The following RGS7 variants were observed in gnomAD, a reference collection of about 807,000 sequenced individuals.
RGS7 encodes the protein regulator of G-protein signaling 7.
Under a neutral mutation model 81.1 loss-of-function variants are expected in RGS7, and 27 were observed. The observed-to-expected ratio is 0.33, with a 90% CI of 0.25 to 0.46. The LOEUF (loss-of-function observed/expected upper bound fraction) is 0.46. RGS7 is among the 20% of genes least tolerant of loss of function. The pLI is 1.00. For synonymous variants in RGS7, 208 were observed against 207.7 expected (o/e 1.00, Z -0.01); for missense variants, 396 against 607.4 (o/e 0.65, Z 3.66).
intron 2 of RGS7, among the ~76,000 whole-genome samples, chr1:241,277,684 G>T (rs1208888135): frequency 1.3e-5 from 2 of 151,850 alleles, no homozygotes; most frequent in African/African-American, 4.8e-5. Context: ...CATCCCAGGG[G>T]ATATTTTAGC....
intron 3 of RGS7, among the ~76,000 whole-genome samples, chr1:241,010,116 T>C (rs2058884537): frequency 6.6e-6 from 1 of 152,072 alleles, no homozygotes; most frequent in African/African-American, 2.4e-5. Flanking sequence ...AAAACCAACA[T>C]GGCATATGTA....
At chr1:241,260,963 C>T (rs1317180930) in intron 2 of RGS7, among the ~76,000 whole-genome samples, 1 of 151,190 alleles carries the variant, frequency 6.6e-6, no homozygotes, top group African/African-American at 2.4e-5. Flanking sequence ...GGGAGATATA[C>T]CTAATGCTAG....
chr1:240,984,277 A>G (rs530124312), intron 3 of RGS7, among the ~76,000 whole-genome samples: 183 of 152,348 alleles, frequency 1.2e-3, no homozygotes, highest in African/African-American at 4.0e-3. Flanking sequence ...CTGGCAATAT[A>G]TATGAAATGC....
intron 2 of RGS7, among the ~76,000 whole-genome samples, chr1:241,234,385 C>T (rs548301627): frequency 3.0e-4 from 45 of 152,314 alleles, no homozygotes; most frequent in African/African-American, 9.4e-4. Context: ...TGCAGTGGTA[C>T]GATTATCTTG....
intron 2 of RGS7, among the ~76,000 whole-genome samples, chr1:241,107,427 T>C (rs928372765): frequency 1.6e-4 from 25 of 152,236 alleles, no homozygotes; most frequent in African/African-American, 5.8e-4. Context: ...TGTGGATGAT[T>C]AGGAAAGGCT....
intron 9 of RGS7, among the ~76,000 whole-genome samples, chr1:240,847,414 C>T (rs547762616): frequency 6.6e-6 from 1 of 152,240 alleles, no homozygotes; most frequent in Non-Finnish European, 1.5e-5. Flanking sequence ...GTGTTTGAGC[C>T]AAATCTTTTT....
chr1:241,187,960 TGAA>T (rs148988229), intron 2 of RGS7, among the ~76,000 whole-genome samples: 2,793 of 152,148 alleles, frequency 0.018, 88 homozygotes, highest in African/African-American at 0.063. Flanking sequence ...AAGGGAGAGA[TGAA>T]GAGAGGATGG....
chr1:241,339,449 G>T (rs368961613), intron 2 of RGS7, among the ~76,000 whole-genome samples: 1 of 152,228 alleles, frequency 6.6e-6, no homozygotes, highest in Non-Finnish European at 1.5e-5. Context: ...TATTCCTAGA[G>T]AGCAAATAGA....
At chr1:241,033,015 G>T (rs560258472) in intron 3 of RGS7, among the ~76,000 whole-genome samples, 4 of 152,020 alleles carry the variant, frequency 2.6e-5, no homozygotes, top group African/African-American at 7.2e-5. Flanking sequence ...TTGCAGTATT[G>T]TATTGATGAA....
intron 4 of RGS7, among the ~76,000 whole-genome samples, chr1:240,958,204 C>G (rs1460819092): frequency 1.3e-5 from 2 of 152,184 alleles, no homozygotes; most frequent in East Asian, 3.9e-4. Context: ...AATCTTTGCA[C>G]AGGTTTAAGT....
intron 2 of RGS7, among the ~76,000 whole-genome samples, chr1:241,218,906 G>C (rs2074730751): frequency 6.6e-6 from 1 of 152,054 alleles, no homozygotes; most frequent in African/African-American, 2.4e-5. Context: ...AAGTTTTCTG[G>C]GGATGCTGCT....
intron 3 of RGS7, among the ~76,000 whole-genome samples, chr1:241,079,928 T>G (rs1332903921): frequency 6.6e-6 from 1 of 152,160 alleles, no homozygotes; most frequent in Non-Finnish European, 1.5e-5. Context: ...CTCAGGTCTG[T>G]TGCTTTAAAG....
chr1:240,802,883 C>A lies in RGS7; in HGVS notation c.1359+21G>T, dbSNP rs763570289. On this transcript the variant is annotated intron_variant, in intron 16 of 18. Coordinates refer to ENST00000440928, the MANE Select transcript of RGS7 (RefSeq NM_001364886.1). ...AACTGAGAACTAGGCCAAGAAAAAA[C>A]AACTCACAAAAAACCAGTACCTTTT... is the stretch of plus-strand genomic sequence containing the variant. The A allele has an allele frequency of 7.3e-6, 11 of 1,515,694 alleles. No homozygotes were observed. In the East Asian group the frequency reaches 2.3e-4, roughly 31 times the overall value. 93.9% of individuals were successfully genotyped at this position (1,515,694 alleles called of 1,614,324 possible).
rs1321571756 is a variant in RGS7 at position 241,144,274 on chromosome 1, T to A, written c.79-45512A>T. 6.6e-6 allele frequency among the ~76,000 whole-genome samples: 1 copy of A among 152,144 alleles called. No homozygotes were observed. The highest frequency in any genetic ancestry group is 1.9e-4 in the East Asian group (1 of 5,186). ...ATGTGCTGGCGCATATGTTGTTTAT[T>A]TCTCTGCTGTTTATACCAAACTTTT... On this transcript the variant is annotated intron_variant, in intron 2 of 18. Coordinates refer to ENST00000440928, the MANE Select transcript of RGS7 (RefSeq NM_001364886.1). The surrounding 1 kb of genome is among the most constrained non-coding windows in gnomAD (Gnocchi z 4.7).
intron 2 of RGS7, among the ~76,000 whole-genome samples, chr1:241,329,250 A>G (rs954366235): frequency 6.6e-6 from 1 of 152,362 alleles, no homozygotes; most frequent in South Asian, 2.1e-4. Context: ...ACAACCAATA[A>G]GTATTAAGAG....
At chr1:241,013,927 A>C (rs1442765722) in intron 3 of RGS7, among the ~76,000 whole-genome samples, 1 of 152,232 alleles carries the variant, frequency 6.6e-6, no homozygotes, top group Non-Finnish European at 1.5e-5. Context: ...GGGGCCTTTC[A>C]GTTTGATAAT....
intron 3 of RGS7, among the ~76,000 whole-genome samples, chr1:241,061,175 C>T (rs1230211093): frequency 6.6e-6 from 1 of 152,200 alleles, no homozygotes; most frequent in African/African-American, 2.4e-5. Context: ...GACAGTCCAG[C>T]TCAACAAATG....
chr1:241,311,745 A>G (rs992815477), intron 2 of RGS7, among the ~76,000 whole-genome samples: 1 of 152,250 alleles, frequency 6.6e-6, no homozygotes, highest in African/African-American at 2.4e-5. Context: ...TCCCTAAGAT[A>G]TCAATTGTGT....
chr1:240,881,426 C>T (rs1159895915), intron 6 of RGS7, among the ~76,000 whole-genome samples: 1 of 152,062 alleles, frequency 6.6e-6, no homozygotes, highest in East Asian at 1.9e-4. Context: ...GTGCAGCAAA[C>T]CAACATGGCA....
Sources: gnomAD v4.1 joint callset for allele counts (sites outside exome capture counted in the v4.1 genomes callset) on GRCh38, gnomAD v4.1.1 for gene constraint, Gnocchi (gnomAD v3.1) non-coding constraint, MANE v1.5 for transcripts, NCBI Gene and HGNC (gene_info 2026-07-23, HGNC 2026-07-21) for gene names.